The following DEPDC5 variants were observed in gnomAD, a reference collection of about 807,000 sequenced individuals.
DEPDC5 encodes the protein GATOR1 complex protein DEPDC5.
Under a neutral mutation model 217.3 loss-of-function variants are expected in DEPDC5, and 73 were observed. The observed-to-expected ratio is 0.34, with a 90% confidence interval of 0.28 to 0.41. The LOEUF (loss-of-function observed/expected upper bound fraction) is 0.41. Among genes scored for constraint, DEPDC5 ranks in the 10% least tolerant of loss-of-function variants. The pLI, the probability that DEPDC5 is intolerant of heterozygous loss-of-function variation, is 1.00. For missense variants in DEPDC5, 1,675 were observed against 2,070.1 expected, an observed-to-expected ratio of 0.81 and a Z score of 3.70; for synonymous variants, 733 against 756.7, an observed-to-expected ratio of 0.97 and a Z score of 0.51.
intron 38 of DEPDC5, among the ~76,000 whole-genome samples, chr22:31,888,515 G>A (rs913706944): frequency 1.3e-5 from 2 of 151,578 alleles, no homozygotes; most frequent in African/African-American, 4.9e-5. Flanking sequence ...GCCTCCCAAA[G>A]TGCTGGGATT....
At chr22:31,843,363 G>C in intron 28 of DEPDC5, 151 bp downstream of exon 28, 2 of 852,852 alleles carry the variant, frequency 2.3e-6, no homozygotes. Context: ...GGTTATTTTA[G>C]GGTTATAGCT....
At chr22:31,761,885 T>A (rs1186287126) in intron 4 of DEPDC5, among the ~76,000 whole-genome samples, 1 of 151,120 alleles carries the variant, frequency 6.6e-6, no homozygotes, top group Admixed American at 6.6e-5. Context: ...GGAGAATTAC[T>A]TGAACCCGGG....
chr22:31,905,482 A>G (rs1480303863), intron 41 of DEPDC5, among the ~76,000 whole-genome samples: 1 of 151,434 alleles, frequency 6.6e-6, no homozygotes, highest in Non-Finnish European at 1.5e-5. Flanking sequence ...CCTCTCACCA[A>G]AAAAAAAGAT....
intron 15 of DEPDC5, among the ~76,000 whole-genome samples, chr22:31,803,458 C>G (rs1051034028): frequency 6.6e-6 from 1 of 152,044 alleles, no homozygotes; most frequent in Non-Finnish European, 1.5e-5. Flanking sequence ...GTGATCCGCC[C>G]GTCTTGGCCT....
intron 38 of DEPDC5, 71 bp downstream of exon 38, chr22:31,879,823 A>G: frequency 7.1e-7 from 1 of 1,404,652 alleles, no homozygotes; most frequent in Non-Finnish European, 9.8e-7. Context: ...TGGCCAGCCA[A>G]GGGAACGATG....
At chr22:31,793,634 A>T (rs542915371) in intron 12 of DEPDC5, among the ~76,000 whole-genome samples, 2 of 152,210 alleles carry the variant, frequency 1.3e-5, no homozygotes, top group African/African-American at 4.8e-5. Flanking sequence ...TGCAGTGGTC[A>T]TGTAAGCTGA....
At position 31,872,858 on chromosome 22, in the gene DEPDC5, G is replaced by A. The variant is rs1252357989; in HGVS notation, c.3486-397G>A. 3.3e-5 allele frequency among the ~76,000 whole-genome samples: 5 copies of A among 152,104 alleles called. No individual in the cohort carries two copies. In the South Asian group the frequency reaches 8.3e-4, roughly 25 times the overall value. ...CACCCTCCACCTCCCAGTTTCAAGC[G>A]ATTCTCTTGTCTCAGCCTCCCAAGT... On this transcript the variant is annotated intron_variant, in intron 34 of 42. Coordinates refer to ENST00000651528, the MANE Select transcript of DEPDC5 (RefSeq NM_001242896.3).
intron 9 of DEPDC5, 51 bp downstream of exon 9, chr22:31,784,036 A>G: frequency 6.8e-7 from 1 of 1,477,176 alleles, no homozygotes; most frequent in Non-Finnish European, 9.3e-7. Flanking sequence ...ATTTTCTGGA[A>G]CTGCAAATGC....
intron 29 of DEPDC5, 89 bp from the exon 30 acceptor site, chr22:31,844,929 C>T (rs1049599962): frequency 2.2e-6 from 3 of 1,370,240 alleles, no homozygotes; most frequent in Non-Finnish European, 3.1e-6. Context: ...GATGGACCTT[C>T]ACACACCAAC....
At chr22:31,852,645 A>AT (rs1002761243) in intron 31 of DEPDC5, among the ~76,000 whole-genome samples, 3 of 152,086 alleles carry the variant, frequency 2.0e-5, no homozygotes, top group Non-Finnish European at 2.9e-5. Context: ...GGCTTCTTTT[A>AT]TTTTTTTAAA....
rs115467744 is a variant in DEPDC5, at chr22:31,780,166, C to T, written c.483+1998C>T. Among the ~76,000 whole-genome samples the T allele has an allele frequency of 4.3e-3, 654 of 152,174 alleles. 2 individuals carry two copies. Among genetic ancestry groups the T allele is most frequent in the African/African-American group, 0.015 (625 of 41,522 alleles). On this transcript the variant is annotated intron_variant, in intron 8 of 42. Coordinates refer to ENST00000651528, the MANE Select transcript of DEPDC5 (RefSeq NM_001242896.3). The stretch of plus-strand genomic sequence containing the variant: ...AAGCAGATAAGTGAGTTAGGAGGCC[C>T]GCTATAGTCTAGCAAGAAAATGGTG...
rs2083471466 is a variant in DEPDC5 at position 31,772,774 on chromosome 22, ATATATATAT to A, written c.413+3924_413+3932del. Among the ~76,000 whole-genome samples, 3 of 150,102 alleles carry A rather than the reference ATATATATAT, an allele frequency of 2.0e-5. No homozygotes were observed. The South Asian group carries it at 6.2e-4, about 31-fold the overall frequency. Reference sequence around the variant, plus strand: ...TTGCTTCCTCTTTTATTTTTAAATTATATATATATTATATATATTATTTCTGAGACAGAG... The same window carrying A: ...TTGCTTCCTCTTTTATTTTTAAATTATATATATATTATTTCTGAGACAGAG... On this transcript the variant is annotated intron_variant, in intron 7 of 42. Transcript: ENST00000651528.
At chr22:31,843,054 G>T in intron 27 of DEPDC5, 41 bp from the exon 28 acceptor site, 1 of 1,454,436 alleles carries the variant, frequency 6.9e-7, no homozygotes, top group South Asian at 1.2e-5. Context: ...TTATAGGAAT[G>T]AGCTTCAAAC....
intron 8 of DEPDC5, 92 bp downstream of exon 8, chr22:31,778,260 C>T (rs2084085373): frequency 1.5e-6 from 2 of 1,292,746 alleles, no homozygotes; most frequent in African/African-American, 1.5e-5. Context: ...CGGGGCAGGA[C>T]ACCAAGGTGG....
chr22:31,758,728 G>A, intron 3 of DEPDC5, 95 bp downstream of exon 3: 1 of 1,182,984 alleles, frequency 8.5e-7, no homozygotes, highest in Non-Finnish European at 1.2e-6. Flanking sequence ...AAATGCTCAT[G>A]CTGTGATGGC....
intron 14 of DEPDC5, among the ~76,000 whole-genome samples, chr22:31,800,329 A>G (rs2086739195): frequency 6.6e-6 from 1 of 152,120 alleles, no homozygotes; most frequent in African/African-American, 2.4e-5. Flanking sequence ...CTCTGGTTCA[A>G]AGGCCTCTGA....
At chr22:31,809,177 T>C (rs373887498) in intron 18 of DEPDC5, among the ~76,000 whole-genome samples, 6 of 152,158 alleles carry the variant, frequency 3.9e-5, no homozygotes, top group East Asian at 1.9e-4. Context: ...AATTGGGTGA[T>C]ATACAGAGTG....
At chr22:31,897,441 A>C in intron 39 of DEPDC5, 41 bp from the exon 40 acceptor site, 1 of 1,568,492 alleles carries the variant, frequency 6.4e-7, no homozygotes, top group Non-Finnish European at 8.7e-7. Context: ...TGTTTGAAAG[A>C]ACTTGGAGAT....
At chr22:31,826,216 A>T (rs1192078566) in intron 24 of DEPDC5, among the ~76,000 whole-genome samples, 1 of 152,104 alleles carries the variant, frequency 6.6e-6, no homozygotes, top group Non-Finnish European at 1.5e-5. Context: ...CATGTTGGGC[A>T]GTCTGGTCTC....
Sources: gnomAD v4.1 joint callset for allele counts (sites outside exome capture counted in the v4.1 genomes callset) on GRCh38, gnomAD v4.1.1 for gene constraint, MANE v1.5 for transcripts, NCBI Gene and HGNC (gene_info 2026-07-23, HGNC 2026-07-21) for gene names.